Variants in GABRA1 observed in about 807,000 individuals in gnomAD.
The protein encoded by GABRA1 is gamma-aminobutyric acid receptor subunit alpha-1.
In GABRA1, 9 loss-of-function variants were observed where a neutral mutation model predicts 48.9. The observed-to-expected ratio is 0.18, with a 90% CI of 0.11 to 0.32. GABRA1 has a LOEUF of 0.32. Ranked by LOEUF, GABRA1 falls within the 10% of genes least tolerant of loss-of-function variation. GABRA1 has a pLI of 1.00. For missense variants in GABRA1, 285 were observed against 553.8 expected, an observed-to-expected ratio of 0.51 and a Z score of 4.87; for synonymous variants, 210 against 198.7, an observed-to-expected ratio of 1.06 and a Z score of -0.48.
intron 4 of GABRA1, among the ~76,000 whole-genome samples, chr5:161,867,676 C>T (rs1202851044): frequency 6.6e-6 from 1 of 152,050 alleles, no homozygotes; most frequent in Non-Finnish European, 1.5e-5. Flanking sequence ...CTTATCATGC[C>T]ATGCAGACCT....
intron 5 of GABRA1, 59 bp downstream of exon 5, chr5:161,873,396 T>C (rs1436792224): frequency 1.7e-5 from 23 of 1,344,408 alleles, no homozygotes; most frequent in African/African-American, 4.3e-5. Flanking sequence ...CTTCCACTTG[T>C]AGGCAATCAT....
chr5:161,867,004 G>A (rs1038274097), intron 4 of GABRA1, among the ~76,000 whole-genome samples: 3 of 152,104 alleles, frequency 2.0e-5, no homozygotes, highest in Non-Finnish European at 4.4e-5. Flanking sequence ...CTCCAGATCA[G>A]TTTCTTCATG....
intron 3 of GABRA1, among the ~76,000 whole-genome samples, chr5:161,863,969 A>T (rs1443062389): frequency 6.6e-6 from 1 of 151,926 alleles, no homozygotes; most frequent in Admixed American, 6.6e-5. Flanking sequence ...CCAGCCACAG[A>T]AACTTCCCCC....
intron 1 of GABRA1, chr5:161,848,872 TCA>T (rs1484677041): frequency 7.1e-6 from 3 of 424,700 alleles, no homozygotes; most frequent in Non-Finnish European, 1.4e-5. Flanking sequence ...AAAACCTGTC[TCA>T]CTGTTCCATC....
In GABRA1 at chr5:161,891,011, T is replaced by C; in HGVS notation, c.817T>C (p.Trp273Arg). ...MTVILSQVSFWLNRESVPART... is the reference protein window; with the variant it reads ...MTVILSQVSFRLNRESVPART... ...AGTGATTCTCTCACAAGTCTCCTTC[T>C]GGCTCAACAGAGAGTCTGTACCAGC... is the stretch of plus-strand genomic sequence containing the variant. Residue 273 changes from tryptophan to arginine, a missense_variant, in exon 8 of 10, where the codon TGG becomes CGG. This residue lies in a region of GABRA1 where 14 missense variants were observed against 113.8 expected (regional missense o/e 0.12). Transcript: ENST00000393943. 6.2e-7 allele frequency: 1 copy of C among 1,613,918 alleles called. No individual in the cohort carries two copies. Among genetic ancestry groups the C allele is most frequent in the Non-Finnish European group, 8.5e-7 (1 of 1,179,828 alleles).
intron 3 of GABRA1, among the ~76,000 whole-genome samples, chr5:161,858,637 A>G (rs894391265): frequency 2.6e-5 from 4 of 151,754 alleles, no homozygotes; most frequent in South Asian, 4.1e-4. Context: ...CAAAAGATGT[A>G]TTATTCTATA....
chr5:161,853,089 T>C (rs556595549), intron 2 of GABRA1, among the ~76,000 whole-genome samples: 22 of 151,862 alleles, frequency 1.4e-4, no homozygotes, highest in Non-Finnish European at 2.5e-4. Flanking sequence ...AGGTCAGAAC[T>C]ATGATTGAAA....
intron 7 of GABRA1, among the ~76,000 whole-genome samples, chr5:161,888,130 C>T (rs1015004944): frequency 3.9e-5 from 6 of 152,082 alleles, no homozygotes; most frequent in Admixed American, 3.9e-4. Context: ...AAATAAACTG[C>T]AAGAATATTT....
chr5:161,880,804 C>G (rs918242036), intron 6 of GABRA1, among the ~76,000 whole-genome samples: 1 of 152,066 alleles, frequency 6.6e-6, no homozygotes, highest in Admixed American at 6.6e-5. Context: ...TTTTTTCAGA[C>G]AGCCTTATTT....
chr5:161,878,397 G>A (rs1006272878), intron 6 of GABRA1, among the ~76,000 whole-genome samples: 11 of 152,192 alleles, frequency 7.2e-5, no homozygotes, highest in African/African-American at 1.4e-4. Flanking sequence ...TATTTCAAAG[G>A]TGAAGAAACT....
At position 161,893,048 on chromosome 5, in the gene GABRA1, T is replaced by TAATAATAATAAAAAAAAA. The variant is rs5872733; in HGVS notation, c.856+2000_856+2001insTAATAATAAAAAAAAAAA. 7.0e-5 allele frequency among the ~76,000 whole-genome samples: 10 copies of TAATAATAATAAAAAAAAA among 142,010 alleles called. No individual in the cohort carries two copies. The South Asian group carries it at 1.3e-3, about 19-fold the overall frequency. 93.2% of individuals were successfully genotyped at this position (142,010 alleles called of 152,430 possible). On this transcript the variant is annotated intron_variant, in intron 8 of 9. Coordinates refer to ENST00000393943, the MANE Select transcript of GABRA1 (RefSeq NM_001127644.2). Reference sequence around the variant, plus strand: ...ATAATAATAATAATAATAATAATAATAAAATAAACACAGGACATATTTATG... The same window carrying TAATAATAATAAAAAAAAA: ...ATAATAATAATAATAATAATAATAATAATAATAATAAAAAAAAAAAAATAAACACAGGACATATTTATG...
At chr5:161,849,287 A>C (rs1358249774) in intron 1 of GABRA1, among the ~76,000 whole-genome samples, 1 of 152,232 alleles carries the variant, frequency 6.6e-6, no homozygotes, top group Non-Finnish European at 1.5e-5. Context: ...TAAAAAGATC[A>C]ACAAAAATTA....
chr5:161,870,383 G>A (rs1264310174), intron 4 of GABRA1, among the ~76,000 whole-genome samples: 2 of 151,830 alleles, frequency 1.3e-5, no homozygotes, highest in Non-Finnish European at 2.9e-5. Context: ...CCAACATGGC[G>A]AAACCCCATC....
intron 3 of GABRA1, among the ~76,000 whole-genome samples, chr5:161,864,709 A>G (rs1007621567): frequency 3.2e-4 from 48 of 152,068 alleles, no homozygotes; most frequent in African/African-American, 1.1e-3. Flanking sequence ...TTAACTCTTT[A>G]AGGACTCAAG....
intron 7 of GABRA1, among the ~76,000 whole-genome samples, chr5:161,888,075 A>G (rs1178610337): frequency 6.6e-6 from 1 of 152,112 alleles, no homozygotes; most frequent in African/African-American, 2.4e-5. Context: ...TTTGCAATAT[A>G]TCAGAAATAT....
intron 4 of GABRA1, among the ~76,000 whole-genome samples, chr5:161,871,181 C>T (rs1422616573): frequency 6.6e-6 from 1 of 152,070 alleles, no homozygotes; most frequent in East Asian, 1.9e-4. Flanking sequence ...TTTGGTAATA[C>T]ATCTAGTTTC....
intron 6 of GABRA1, chr5:161,882,270 C>A: frequency 2.3e-6 from 1 of 439,304 alleles, no homozygotes; most frequent in Non-Finnish European, 4.2e-6. Context: ...ATGCATATTC[C>A]ATAAGATAAA....
chr5:161,880,449 T>C (rs930243976), intron 6 of GABRA1, among the ~76,000 whole-genome samples: 3 of 152,190 alleles, frequency 2.0e-5, no homozygotes, highest in African/African-American at 7.2e-5. Context: ...TCCCTCCTAA[T>C]AGACACAGTA....
chr5:161,872,621 T>C (rs894627965), intron 4 of GABRA1, among the ~76,000 whole-genome samples: 4 of 152,156 alleles, frequency 2.6e-5, no homozygotes, highest in Non-Finnish European at 4.4e-5. Context: ...GATGGAATTT[T>C]TACATCCATA....
Sources: allele counts gnomAD v4.1 joint callset (sites outside exome capture counted in the v4.1 genomes callset), GRCh38; gene constraint gnomAD v4.1.1; regional missense constraint gnomAD v4.1.1; transcripts MANE v1.5; gene names NCBI Gene and HGNC (gene_info 2026-07-23, HGNC 2026-07-21).